Variants in TMEM14C observed in about 807,000 individuals in gnomAD.
TMEM14C encodes the protein chromosome 6 open reading frame 53.
In TMEM14C, 13 loss-of-function variants were observed where a neutral mutation model predicts 14.8. The observed-to-expected ratio is 0.88, with a 90% CI of 0.57 to 1.40. The LOEUF (loss-of-function observed/expected upper bound fraction) is 1.40, where lower values mean the gene tolerates loss of function less well. TMEM14C is among the 40% of genes most tolerant of loss of function. TMEM14C has a pLI of 0.00. For missense variants in TMEM14C, 142 were observed against 138.8 expected (o/e 1.02, Z -0.12); for synonymous variants, 57 against 51.3 (o/e 1.11, Z -0.48).
rs369466748 is a variant in TMEM14C at position 10,723,118 on chromosome 6, C to A, written c.-168C>A. The A allele has an allele frequency of 2.0e-5, 3 of 152,342 alleles. No individual in the cohort carries two copies. Among genetic ancestry groups the A allele is most frequent in the African/African-American group, 7.2e-5 (3 of 41,468 alleles). The allele number at this position is 152,342 out of a possible 1,614,324, so 9.4% of individuals were successfully genotyped here. A position where few individuals can be genotyped will look rare whatever the true frequency, so the allele number is the denominator to read the frequency against. ...GTACACTGCGCAGGCACAACAGAGC[C>A]GCTCCCCTCTCCTCGCCCCGCCACC... On this transcript the variant is annotated 5_prime_UTR_variant, in exon 1 of 6. Transcript: ENST00000229563.
In TMEM14C at chr6:10,728,675, A is replaced by C; in HGVS notation, c.235A>C (p.Arg79=). The C allele has an allele frequency of 6.2e-7, 1 of 1,614,182 alleles. No homozygotes were observed. The highest frequency in any genetic ancestry group is 8.5e-7 in the Non-Finnish European group (1 of 1,180,034). ...SGTLAGIMGM[R]FYHSGKFMPA... Reference sequence around the variant, plus strand: ...TACCTTGGCTGGCATTATGGGAATGAGGTTCTACCACTCTGGAAAATTCAT... The same window carrying C: ...TACCTTGGCTGGCATTATGGGAATGCGGTTCTACCACTCTGGAAAATTCAT... The change falls in exon 5 of 6, where the codon AGG becomes CGG. Residue 79 remains arginine, a synonymous_variant. Transcript: ENST00000229563.
intron 1 of TMEM14C, among the ~76,000 whole-genome samples, chr6:10,723,870 C>T (rs1267809220): frequency 1.3e-5 from 2 of 152,146 alleles, no homozygotes; most frequent in Admixed American, 6.5e-5. Flanking sequence ...TCCTAAAGTA[C>T]TGGGATGACA....
At chr6:10,729,910 C>T (rs1456830199) in intron 5 of TMEM14C, among the ~76,000 whole-genome samples, 1 of 152,126 alleles carries the variant, frequency 6.6e-6, no homozygotes, top group Non-Finnish European at 1.5e-5. Context: ...CCAGTCTGCC[C>T]AACATGGTGA....
At chr6:10,723,909 C>G (rs1332579587) in intron 1 of TMEM14C, among the ~76,000 whole-genome samples, 1 of 152,160 alleles carries the variant, frequency 6.6e-6, no homozygotes, top group Non-Finnish European at 1.5e-5. Flanking sequence ...TGGCCTAATT[C>G]TTTAAACAGA....
chr6:10,724,396 T>G, intron 1 of TMEM14C, 174 bp from the exon 2 acceptor site: 2 of 579,980 alleles, frequency 3.4e-6, no homozygotes, highest in Non-Finnish European at 6.2e-6. Context: ...CCTTTACATG[T>G]GACATCCATT....
chr6:10,730,870 A>G lies in TMEM14C; in HGVS notation c.*204A>G, dbSNP rs1046190. On this transcript the variant is annotated 3_prime_UTR_variant, in exon 6 of 6. Coordinates refer to ENST00000229563, the MANE Select transcript of TMEM14C (RefSeq NM_016462.4). ...GGCGAGTATGTAACACAAGAGCTTA[A>G]TAAGACCCTCATAGAGCTTGATTCT... is the stretch of plus-strand genomic sequence containing the variant. 5 of 1,260,696 alleles carry G rather than the reference A, an allele frequency of 4.0e-6. No individual in the cohort carries two copies. Among genetic ancestry groups the G allele is most frequent in the Non-Finnish European group, 4.0e-6 (4 of 997,234 alleles). 78.1% of individuals were successfully genotyped at this position (1,260,696 alleles called of 1,614,324 possible).
At chr6:10,724,207 G>C (rs1051658643) in intron 1 of TMEM14C, among the ~76,000 whole-genome samples, 2 of 152,274 alleles carry the variant, frequency 1.3e-5, no homozygotes, top group East Asian at 1.9e-4. Flanking sequence ...TTAAGGGCAC[G>C]GGAGTATTTG....
At chr6:10,727,827 TA>T (rs199534385) in intron 4 of TMEM14C, among the ~76,000 whole-genome samples, 2,121 of 147,136 alleles carry the variant, frequency 0.014, 54 homozygotes, top group African/African-American at 0.05. Flanking sequence ...TCTCAAAAAT[TA>T]AAAAAAAAAA....
chr6:10,725,964 C>T lies in TMEM14C; in HGVS notation c.155C>T (p.Ala52Val). 6 of 1,614,136 alleles carry T rather than the reference C, an allele frequency of 3.7e-6. 1 individual carries two copies. The highest frequency in any genetic ancestry group is 4.2e-6 in the Non-Finnish European group (5 of 1,180,030). The change falls in exon 4 of 6, where the codon GCT becomes GTT. Residue 52 changes from alanine to valine, a missense_variant. Coordinates refer to ENST00000229563, the MANE Select transcript of TMEM14C (RefSeq NM_016462.4). Reference sequence around the variant, plus strand: ...TTTGGCAGTCTAGCCGGCCTGGGTGCTTACCAGCTGTCTCAGGATCCAAGG... The same window carrying T: ...TTTGGCAGTCTAGCCGGCCTGGGTGTTTACCAGCTGTCTCAGGATCCAAGG... ...LLFGSLAGLG[A>V]YQLSQDPRNV...
intron 4 of TMEM14C, among the ~76,000 whole-genome samples, chr6:10,728,364 T>C (rs147091342): frequency 2.0e-5 from 3 of 152,024 alleles, no homozygotes; most frequent in African/African-American, 4.8e-5. Context: ...AACTAACATA[T>C]TGATGGCTAA....
intron 5 of TMEM14C, 165 bp downstream of exon 5, chr6:10,728,892 T>A: frequency 6.8e-7 from 1 of 1,479,146 alleles, no homozygotes; most frequent in Non-Finnish European, 9.1e-7. Context: ...ATAGCTAGTT[T>A]AATGTCAAAA....
rs552707621 is a variant in TMEM14C at position 10,731,120 on chromosome 6, A to G, written c.*454A>G. 142 of 983,452 alleles carry G rather than the reference A, an allele frequency of 1.4e-4. No homozygotes were observed. The highest frequency in any genetic ancestry group is 5.2e-4 in the Middle Eastern group (1 of 1,908). The allele number at this position is 983,452 out of a possible 1,614,324, so 60.9% of individuals were successfully genotyped here. A position where few individuals can be genotyped will look rare whatever the true frequency, so the allele number is the denominator to read the frequency against. On this transcript the variant is annotated 3_prime_UTR_variant, in exon 6 of 6. Coordinates refer to ENST00000229563, the MANE Select transcript of TMEM14C (RefSeq NM_016462.4). Reference sequence around the variant, plus strand: ...AATATCAATGAAAATAAAGTTTACTATAAATAATATTTCCTATGGGGTCTT... The same window carrying G: ...AATATCAATGAAAATAAAGTTTACTGTAAATAATATTTCCTATGGGGTCTT...
At chr6:10,725,293 GTTA>G (rs1482972051) in intron 3 of TMEM14C, among the ~76,000 whole-genome samples, 3 of 152,124 alleles carry the variant, frequency 2.0e-5, no homozygotes, top group African/African-American at 7.2e-5. Context: ...GTTGTAGTTT[GTTA>G]TTATCGTTGA....
At position 10,730,835 on chromosome 6, in the gene TMEM14C, C is replaced by T; in HGVS notation, c.*169C>T. Reference sequence around the variant, plus strand: ...TGGAAAATCAGTCATGATTACAAACCTACAGAGGTGGCGAGTATGTAACAC... The same window carrying T: ...TGGAAAATCAGTCATGATTACAAACTTACAGAGGTGGCGAGTATGTAACAC... On this transcript the variant is annotated 3_prime_UTR_variant, in exon 6 of 6. Coordinates refer to ENST00000229563, the MANE Select transcript of TMEM14C (RefSeq NM_016462.4). 1 of 1,326,424 alleles carries T rather than the reference C, an allele frequency of 7.5e-7. No homozygotes were observed. The highest frequency in any genetic ancestry group is 2.0e-5 in the South Asian group (1 of 49,236). 82.2% of individuals were successfully genotyped at this position (1,326,424 alleles called of 1,614,324 possible). A position where few individuals can be genotyped will look rare whatever the true frequency, so the allele number is the denominator to read the frequency against.
chr6:10,725,820 C>T, intron 3 of TMEM14C, 87 bp from the exon 4 acceptor site: 8 of 1,542,578 alleles, frequency 5.2e-6, no homozygotes. Context: ...CTGTGCTGTC[C>T]TCCTTTGTAG....
intron 1 of TMEM14C, among the ~76,000 whole-genome samples, chr6:10,723,463 T>G (rs906787901): frequency 2.0e-5 from 3 of 152,142 alleles, no homozygotes; most frequent in Non-Finnish European, 4.4e-5. Flanking sequence ...TAGCATAGTG[T>G]TGCCTCGTTT....
At chr6:10,726,175 G>T (rs1770853971) in intron 4 of TMEM14C, among the ~76,000 whole-genome samples, 167 bp downstream of exon 4, 1 of 152,166 alleles carries the variant, frequency 6.6e-6, no homozygotes, top group African/African-American at 2.4e-5. Context: ...GCAGAGGCAG[G>T]AATTATGCTG....
In TMEM14C at chr6:10,723,180, A is replaced by C. The variant is rs1191968186; in HGVS notation, c.-106A>C. On this transcript the variant is annotated 5_prime_UTR_variant, in exon 1 of 6. Transcript: ENST00000229563. ...CGCCCGCCGCTGCATTTCCGGCGACACCTCGCAGTCATTCCTGCGGCTTGC... is the reference window on the plus strand; with the variant it reads ...CGCCCGCCGCTGCATTTCCGGCGACCCCTCGCAGTCATTCCTGCGGCTTGC... 3 of 152,326 alleles carry C rather than the reference A, an allele frequency of 2.0e-5. No homozygotes were observed. Among genetic ancestry groups the C allele is most frequent in the Non-Finnish European group, 4.4e-5 (3 of 68,112 alleles). The allele number at this position is 152,326 out of a possible 1,614,324, so 9.4% of individuals were successfully genotyped here. A position where few individuals can be genotyped will look rare whatever the true frequency, so the allele number is the denominator to read the frequency against.
At chr6:10,725,301 C>T (rs1323526029) in intron 3 of TMEM14C, among the ~76,000 whole-genome samples, 4 of 152,100 alleles carry the variant, frequency 2.6e-5, no homozygotes, top group Non-Finnish European at 4.4e-5. Context: ...TTGTTATTAT[C>T]GTTGACTGCC....
Sources: allele counts gnomAD v4.1 joint callset (sites outside exome capture counted in the v4.1 genomes callset), GRCh38; gene constraint gnomAD v4.1.1; transcripts MANE v1.5; gene names NCBI Gene and HGNC (gene_info 2026-07-23, HGNC 2026-07-21).